The following ADRA1B variants were observed in gnomAD, a reference collection of about 807,000 sequenced individuals.
The protein encoded by ADRA1B is adrenoceptor alpha 1B, also known as alpha-1B adrenergic receptor.
Under a neutral mutation model 17.9 loss-of-function variants are expected in ADRA1B, and 17 were observed. The observed-to-expected ratio is 0.95, with a 90% CI of 0.65 to 1.42. The LOEUF is 1.42. ADRA1B is among the 40% of genes most tolerant of loss of function. The pLI, the probability that ADRA1B is intolerant of heterozygous loss-of-function variation, is 0.00. For missense variants in ADRA1B, 681 were observed against 722.1 expected (o/e 0.94, Z 0.65); for synonymous variants, 366 against 327.6 (o/e 1.12, Z -1.27).
intron 1 of ADRA1B, among the ~76,000 whole-genome samples, chr5:159,971,426 G>C (rs1323491383): frequency 6.6e-6 from 1 of 152,072 alleles, no homozygotes; most frequent in East Asian, 1.9e-4. Context: ...TTCACATTTA[G>C]GTCTTTAATA....
At chr5:159,897,242 C>T (rs1754049350) in intron 1 of ADRA1B, among the ~76,000 whole-genome samples, 1 of 152,126 alleles carries the variant, frequency 6.6e-6, no homozygotes, top group Non-Finnish European at 1.5e-5. Context: ...AATCCCAGCA[C>T]TTTGGGAGGC....
intron 1 of ADRA1B, among the ~76,000 whole-genome samples, chr5:159,882,691 A>G (rs4921533): frequency 0.71 from 107,729 of 152,112 alleles, 39,943 homozygotes; most frequent in African/African-American, 0.88. Context: ...GTGCTTGGTA[A>G]TATCCAAGCT....
chr5:159,901,485 AT>A (rs1754100791), intron 1 of ADRA1B, among the ~76,000 whole-genome samples: 1 of 151,548 alleles, frequency 6.6e-6, no homozygotes, highest in African/African-American at 2.4e-5. Flanking sequence ...GAATACCAGT[AT>A]AAATTGATGA....
intron 1 of ADRA1B, among the ~76,000 whole-genome samples, chr5:159,898,907 G>T (rs1337499378): frequency 6.6e-6 from 1 of 152,186 alleles, no homozygotes; most frequent in Non-Finnish European, 1.5e-5. Context: ...CATTTGAGAG[G>T]CAGAGGCAGG....
At chr5:159,964,401 G>GT (rs1168023433) in intron 1 of ADRA1B, among the ~76,000 whole-genome samples, 1 of 152,168 alleles carries the variant, frequency 6.6e-6, no homozygotes, top group African/African-American at 2.4e-5. Context: ...ACATTGTTTT[G>GT]TTTTCATCTT....
intron 1 of ADRA1B, among the ~76,000 whole-genome samples, chr5:159,969,629 A>G (rs1755833163): frequency 6.6e-6 from 1 of 152,208 alleles, no homozygotes. Context: ...TCACAAATAG[A>G]TTCAGTGATG....
intron 1 of ADRA1B, chr5:159,947,715 G>A (rs974229926): frequency 4.4e-5 from 43 of 985,404 alleles, no homozygotes; most frequent in Non-Finnish European, 5.2e-5. Context: ...TAAGCTTGAA[G>A]ACGTTGAATG....
chr5:159,920,107 A>G (rs1275744319), intron 1 of ADRA1B, among the ~76,000 whole-genome samples: 1 of 152,196 alleles, frequency 6.6e-6, no homozygotes, highest in Non-Finnish European at 1.5e-5. Context: ...AGGATTCAGT[A>G]AGTCAGAAGG....
intron 1 of ADRA1B, chr5:159,937,507 A>G (rs1427730267): frequency 6.6e-6 from 1 of 151,678 alleles, no homozygotes; most frequent in African/African-American, 2.4e-5. Flanking sequence ...CTGGAGTGCA[A>G]TGGTGCGAGC....
intron 1 of ADRA1B, chr5:159,870,889 T>C (rs905090973): frequency 2.6e-5 from 4 of 152,226 alleles, no homozygotes; most frequent in African/African-American, 9.6e-5. Flanking sequence ...TGTCCTGTAG[T>C]CCCAAAATCA....
intron 1 of ADRA1B, among the ~76,000 whole-genome samples, chr5:159,905,962 T>G (rs1754157684): frequency 6.6e-6 from 1 of 152,052 alleles, no homozygotes; most frequent in African/African-American, 2.4e-5. Flanking sequence ...GTTCAAGCAG[T>G]TCTCCTGTCA....
At chr5:159,960,708 TAAAAAAAAAA>T (rs71579107) in intron 1 of ADRA1B, among the ~76,000 whole-genome samples, 1 of 118,932 alleles carries the variant, frequency 8.4e-6, no homozygotes, top group Non-Finnish European at 1.8e-5. Context: ...CCCCAGCTCT[TAAAAAAAAAA>T]AAAAAAAAAG....
At chr5:159,925,404 T>C (rs950879796) in intron 1 of ADRA1B, among the ~76,000 whole-genome samples, 3 of 152,202 alleles carry the variant, frequency 2.0e-5, no homozygotes, top group Admixed American at 1.3e-4. Context: ...TCACATACGG[T>C]TTTCAGATTT....
chr5:159,902,483 T>C (rs1457638622), intron 1 of ADRA1B, among the ~76,000 whole-genome samples: 1 of 152,112 alleles, frequency 6.6e-6, no homozygotes, highest in Admixed American at 6.6e-5. Flanking sequence ...ATGTATTTTT[T>C]AACCACCATT....
At chr5:159,942,048 G>C (rs568560369) in intron 1 of ADRA1B, among the ~76,000 whole-genome samples, 1 of 149,608 alleles carries the variant, frequency 6.7e-6, no homozygotes, top group African/African-American at 2.5e-5. Context: ...TCAGCCTCCC[G>C]AGTAGTTGGG....
chr5:159,879,052 A>G (rs1177159315), intron 1 of ADRA1B, among the ~76,000 whole-genome samples: 2 of 152,038 alleles, frequency 1.3e-5, no homozygotes, highest in Non-Finnish European at 2.9e-5. Flanking sequence ...CATATTCCTC[A>G]TGCCACTTTC....
At chr5:159,922,484 C>A (rs992033551) in intron 1 of ADRA1B, among the ~76,000 whole-genome samples, 1 of 152,174 alleles carries the variant, frequency 6.6e-6, no homozygotes, top group Non-Finnish European at 1.5e-5. Context: ...AACCCAGAAC[C>A]ACCCTGTCAA....
chr5:159,988,822 T>A, the ADRA1B span, among the ~76,000 whole-genome samples: 382 of 152,200 alleles, frequency 2.5e-3, no homozygotes, highest in Non-Finnish European at 3.9e-3. Context: ...ACAAAAAAAA[T>A]TTTAAAAATT....
At chr5:159,933,862 T>C (rs1754878682) in intron 1 of ADRA1B, among the ~76,000 whole-genome samples, 1 of 152,086 alleles carries the variant, frequency 6.6e-6, no homozygotes, top group South Asian at 2.1e-4. Context: ...AACAATCCAG[T>C]TGGAGGCACT....
Sources: gnomAD v4.1 joint callset for allele counts (sites outside exome capture counted in the v4.1 genomes callset) on GRCh38, gnomAD v4.1.1 for gene constraint, MANE v1.5 for transcripts, NCBI Gene and HGNC (gene_info 2026-07-23, HGNC 2026-07-21) for gene names.